The following RFXAP variants were observed in gnomAD, a reference collection of about 807,000 sequenced individuals.
RFXAP encodes regulatory factor X associated protein, also known as regulatory factor X-associated protein.
In RFXAP, 21 loss-of-function variants were observed where a neutral mutation model predicts 25.7. The ratio of observed to expected loss-of-function variants is 0.82; its 90% CI spans 0.58 to 1.18. RFXAP has a LOEUF of 1.18. RFXAP is among the 50% of genes most tolerant of loss of function. The pLI, the probability that RFXAP is intolerant of heterozygous loss-of-function variation, is 0.00. For synonymous variants in RFXAP, 161 were observed against 152.2 expected, an observed-to-expected ratio of 1.06 and a Z score of -0.43; for missense variants, 333 against 363.0, an observed-to-expected ratio of 0.92 and a Z score of 0.67.
At chr13:36,825,595 A>G (rs1213252771) in intron 2 of RFXAP, 60 bp downstream of exon 2, 5 of 1,263,592 alleles carry the variant, frequency 4.0e-6, no homozygotes, top group Middle Eastern at 2.0e-4. Flanking sequence ...TATAAATGGA[A>G]CAATTGAGAT....
intron 1 of RFXAP, among the ~76,000 whole-genome samples, chr13:36,821,704 A>C (rs2057963566): frequency 6.6e-6 from 1 of 152,162 alleles, no homozygotes; most frequent in South Asian, 2.1e-4. Context: ...TAAAATTTGC[A>C]GTTGCCAGTG....
rs933752957 is a variant in RFXAP, at chr13:36,828,715, G to A, written c.*962G>A. 1.3e-5 allele frequency: 2 copies of A among 152,028 alleles called. No homozygotes were observed. The highest frequency in any genetic ancestry group is 2.1e-4 in the South Asian group (1 of 4,830). The allele number at this position is 152,028 out of a possible 1,614,324, so 9.4% of individuals were successfully genotyped here. A position where few individuals can be genotyped will look rare whatever the true frequency, so the allele number is the denominator to read the frequency against. On this transcript the variant is annotated 3_prime_UTR_variant, in exon 3 of 3. Coordinates refer to ENST00000255476, the MANE Select transcript of RFXAP (RefSeq NM_000538.4). ...CTCCAGTATTTTGTCATTGTTTTTC[G>A]CAATTGAGCTATCTGAAAACTGTTA...
chr13:36,825,318 A>G, intron 1 of RFXAP, 110 bp from the exon 2 acceptor site: 2 of 819,582 alleles, frequency 2.4e-6, no homozygotes, highest in South Asian at 2.8e-5. Context: ...GAGACTGGGC[A>G]AGAAGAAGGA....
chr13:36,822,674 C>T (rs2057966875), intron 1 of RFXAP, among the ~76,000 whole-genome samples: 1 of 152,146 alleles, frequency 6.6e-6, no homozygotes, highest in Non-Finnish European at 1.5e-5. Flanking sequence ...GATTATTTCA[C>T]CACTGCACCT....
chr13:36,820,485 T>A (rs1169013627), intron 1 of RFXAP, among the ~76,000 whole-genome samples: 1 of 152,038 alleles, frequency 6.6e-6, no homozygotes, highest in Non-Finnish European at 1.5e-5. Flanking sequence ...CAGTTGCCTG[T>A]CTGTAGTACC....
intron 1 of RFXAP, among the ~76,000 whole-genome samples, chr13:36,824,198 A>C (rs1415815915): frequency 6.6e-6 from 1 of 152,190 alleles, no homozygotes; most frequent in African/African-American, 2.4e-5. Context: ...GTGAGGGCAG[A>C]GGGTACTGTA....
In RFXAP at chr13:36,819,248, A is replaced by G. The variant is rs1010817611; in HGVS notation, c.-110A>G. On this transcript the variant is annotated 5_prime_UTR_variant, in exon 1 of 3. Transcript: ENST00000255476. Reference sequence around the variant, plus strand: ...GGCGCAGTCGGGGCGCCTTCCCGGTATAGGCGCCTTTTACCCCAGCGTGTC... The same window carrying G: ...GGCGCAGTCGGGGCGCCTTCCCGGTGTAGGCGCCTTTTACCCCAGCGTGTC... 15 of 1,069,936 alleles carry G rather than the reference A, an allele frequency of 1.4e-5. No homozygotes were observed. Among genetic ancestry groups the G allele is most frequent in the Admixed American group, 1.3e-4 (3 of 22,376 alleles). The allele number at this position is 1,069,936 out of a possible 1,614,324, so 66.3% of individuals were successfully genotyped here.
Position 36,827,819 on chromosome 13 carries a change from C to A in RFXAP, c.*66C>A, listed in dbSNP as rs867381525. ...TGTAATAGATGAGCATATTTTTTTA[C>A]CAGACATAAATGGGGTAATAATCTA... On this transcript the variant is annotated 3_prime_UTR_variant, in exon 3 of 3. Coordinates refer to ENST00000255476, the MANE Select transcript of RFXAP (RefSeq NM_000538.4). 7.9e-7 allele frequency: 1 copy of A among 1,269,810 alleles called. No homozygotes were observed. The highest frequency in any genetic ancestry group is 1.1e-6 in the Non-Finnish European group (1 of 873,502). 78.7% of individuals were successfully genotyped at this position (1,269,810 alleles called of 1,614,324 possible). A position where few individuals can be genotyped will look rare whatever the true frequency, so the allele number is the denominator to read the frequency against.
Position 36,827,645 on chromosome 13 carries a change from G to A in RFXAP, c.711G>A (p.Ser237=), listed in dbSNP as rs760354012. The A allele has an allele frequency of 7.0e-5, 113 of 1,609,682 alleles. No individual in the cohort carries two copies. The highest frequency in any genetic ancestry group is 7.6e-5 in the Non-Finnish European group (89 of 1,176,372). ...LEQVLNQKRL[S]LLRSPEVVQF... ...AATTTTTTTCTTTTCTTTCTAAGTC[G>A]TTACTAAGAAGTCCAGAAGTAGTGC... Residue 237 remains serine (S), a splice_region_variant and synonymous_variant, in exon 3 of 3, where the codon TCG becomes TCA. Transcript: ENST00000255476.
Position 36,823,779 on chromosome 13 carries a change from A to G in RFXAP, c.601-1649A>G, listed in dbSNP as rs1438560382. ...CAATCTAAGAACTATGCTATATGAG[A>G]GACACATAAAGGGACTAGGGATAAA... is the stretch of plus-strand genomic sequence containing the variant. On this transcript the variant is annotated intron_variant, in intron 1 of 2. Coordinates refer to ENST00000255476, the MANE Select transcript of RFXAP (RefSeq NM_000538.4). Among the ~76,000 whole-genome samples, 7 of 152,318 alleles carry G rather than the reference A, an allele frequency of 4.6e-5. No homozygotes were observed. The East Asian group carries it at 1.3e-3, about 29-fold the overall frequency.
At position 36,819,619 on chromosome 13, in the gene RFXAP, G is replaced by A; in HGVS notation, c.262G>A (p.Asp88Asn). The change falls in exon 1 of 3, where the codon GAC becomes AAC. Residue 88 changes from aspartate (D) to asparagine (N), a missense_variant. Transcript: ENST00000255476. ...GGATGGCGAAGAGGAGGCTGGGGAG[G>A]ACGAGGCGGACCTGTTAGACACTTC... ...AGDGEEEAGE[D>N]EADLLDTSDP... The A allele has an allele frequency of 6.5e-7, 1 of 1,541,512 alleles. No homozygotes were observed. Among genetic ancestry groups the A allele is most frequent in the Non-Finnish European group, 8.8e-7 (1 of 1,140,258 alleles).
At chr13:36,820,879 C>T (rs1435859826) in intron 1 of RFXAP, among the ~76,000 whole-genome samples, 1 of 152,080 alleles carries the variant, frequency 6.6e-6, no homozygotes, top group Non-Finnish European at 1.5e-5. Context: ...ATATGTGAGC[C>T]ATTCCATATT....
chr13:36,823,513 T>TG lies in RFXAP; in HGVS notation c.601-1912dup, dbSNP rs541507757. ...AGCAGAGGATCCTACCCTGATGGAGTGGGTTAAAGTTGAGAGCCTATAGAT... is the reference window on the plus strand; with the variant it reads ...AGCAGAGGATCCTACCCTGATGGAGTGGGGTTAAAGTTGAGAGCCTATAGAT... On this transcript the variant is annotated intron_variant, in intron 1 of 2. Transcript: ENST00000255476. Among the ~76,000 whole-genome samples the TG allele has an allele frequency of 1.2e-4, 19 of 152,024 alleles. No individual in the cohort carries two copies. In the South Asian group the frequency reaches 4.0e-3, roughly 32 times the overall value.
Position 36,825,455 on chromosome 13 carries a change from G to T in RFXAP, c.628G>T (p.Val210Phe). The change falls in exon 2 of 3, where the codon GTT (valine) becomes TTT (phenylalanine). Residue 210 changes from valine (V) to phenylalanine (F), a missense_variant. Coordinates refer to ENST00000255476, the MANE Select transcript of RFXAP (RefSeq NM_000538.4). ...AAGTGCAGATAACATACTCTCCATTGTTAAACAAAGAACAGGATCTTTTGG... is the reference window on the plus strand; with the variant it reads ...AAGTGCAGATAACATACTCTCCATTTTTAAACAAAGAACAGGATCTTTTGG... Reference protein sequence around the residue: ...EESADNILSIVKQRTGSFGDR... With the variant: ...EESADNILSIFKQRTGSFGDR... The T allele has an allele frequency of 6.2e-7, 1 of 1,612,732 alleles. No homozygotes were observed.
Position 36,828,555 on chromosome 13 carries a change from T to G in RFXAP, c.*802T>G, listed in dbSNP as rs2057985729. ...GATCTCTTAAAGCAGACATTTCTTGTTTGTTGAATTTGTGAACAGTATAGA... is the reference window on the plus strand; with the variant it reads ...GATCTCTTAAAGCAGACATTTCTTGGTTGTTGAATTTGTGAACAGTATAGA... On this transcript the variant is annotated 3_prime_UTR_variant, in exon 3 of 3. Transcript: ENST00000255476. The G allele has an allele frequency of 1.3e-5, 2 of 152,234 alleles. No individual in the cohort carries two copies. Among genetic ancestry groups the G allele is most frequent in the Admixed American group, 6.5e-5 (1 of 15,280 alleles). The allele number at this position is 152,234 out of a possible 1,614,324, so 9.4% of individuals were successfully genotyped here. A position where few individuals can be genotyped will look rare whatever the true frequency, so the allele number is the denominator to read the frequency against.
chr13:36,819,696 C>A lies in RFXAP; in HGVS notation c.339C>A (p.Asp113Glu). The A allele has an allele frequency of 6.5e-7, 1 of 1,550,022 alleles. No homozygotes were observed. The change falls in exon 1 of 3, where the codon GAC becomes GAA. Residue 113 changes from aspartate (D) to glutamate (E), a missense_variant. Asp to Glu is a conservative substitution (Grantham distance 45, BLOSUM62 2). Coordinates refer to ENST00000255476, the MANE Select transcript of RFXAP (RefSeq NM_000538.4). ...ESAASLEDLEDEETHSGGEGS... is the reference protein window; with the variant it reads ...ESAASLEDLEEEETHSGGEGS... ...CGGCTAGTTTGGAGGATCTAGAGGA[C>A]GAGGAGACTCACTCGGGGGGCGAGG... is the stretch of plus-strand genomic sequence containing the variant.
intron 2 of RFXAP, 114 bp from the exon 3 acceptor site, chr13:36,827,529 A>C: frequency 1.3e-6 from 1 of 755,422 alleles, no homozygotes; most frequent in South Asian, 1.7e-5. Context: ...TGATTCAGGC[A>C]TATTCTTGTG....
intron 1 of RFXAP, among the ~76,000 whole-genome samples, chr13:36,821,734 T>C (rs1001173984): frequency 6.6e-6 from 1 of 152,212 alleles, no homozygotes; most frequent in Non-Finnish European, 1.5e-5. Flanking sequence ...TAATTCACAC[T>C]GGTTAGGACT....
rs2057953802 is a variant in RFXAP at position 36,819,440 on chromosome 13, C to T, written c.83C>T (p.Ala28Val). 8 of 1,461,772 alleles carry T rather than the reference C, an allele frequency of 5.5e-6. No individual in the cohort carries two copies. In the East Asian group the frequency reaches 1.1e-4, roughly 20 times the overall value. 90.6% of individuals were successfully genotyped at this position (1,461,772 alleles called of 1,614,324 possible). ...VPHPAALAPAAAPTLAPASVA... is the reference protein window; with the variant it reads ...VPHPAALAPAVAPTLAPASVA... The stretch of plus-strand genomic sequence containing the variant: ...CACCCCGCGGCCCTAGCCCCGGCTG[C>T]GGCTCCCACCTTGGCGCCAGCCTCG... The change falls in exon 1 of 3, where the codon GCG (alanine) becomes GTG (valine). Residue 28 changes from alanine to valine, a missense_variant. Coordinates refer to ENST00000255476, the MANE Select transcript of RFXAP (RefSeq NM_000538.4).
Sources: gnomAD v4.1 joint callset for allele counts (sites outside exome capture counted in the v4.1 genomes callset) on GRCh38, gnomAD v4.1.1 for gene constraint, MANE v1.5 for transcripts, NCBI Gene and HGNC (gene_info 2026-07-23, HGNC 2026-07-21) for gene names.